PTCD2: variants seen among roughly 807,000 people sequenced by gnomAD.
The protein encoded by PTCD2 is pentatricopeptide repeat-containing protein 2, mitochondrial.
Under a neutral mutation model 42.6 loss-of-function variants are expected in PTCD2, and 31 were observed. The observed-to-expected ratio is 0.73, with a 90% CI of 0.55 to 0.98. PTCD2 has a LOEUF of 0.98. Among genes scored for constraint, PTCD2 ranks in the 50% least tolerant of loss-of-function variants. The pLI is 0.00. For missense variants in PTCD2, 476 were observed against 454.8 expected (o/e 1.05, Z -0.42); for synonymous variants, 183 against 170.9 (o/e 1.07, Z -0.55).
At position 72,361,755 on chromosome 5, in the gene PTCD2, A is replaced by G; in HGVS notation, c.*3328A>G. 6.6e-6 allele frequency: 1 copy of G among 152,206 alleles called. No homozygotes were observed. Among genetic ancestry groups the G allele is most frequent in the East Asian group, 1.9e-4 (1 of 5,184 alleles). The allele number at this position is 152,206 out of a possible 1,614,324, so 9.4% of individuals were successfully genotyped here. On this transcript the variant is annotated 3_prime_UTR_variant, in exon 10 of 10. Coordinates refer to ENST00000380639, the MANE Select transcript of PTCD2 (RefSeq NM_024754.5). The stretch of plus-strand genomic sequence containing the variant: ...GAAGGTCCTTCCTAATCTGGCCCAC[A>G]TTTGTCCATCCAGCTCCAACTCTTG...
intron 2 of PTCD2, 151 bp from the exon 3 acceptor site, chr5:72,326,461 A>T: frequency 6.8e-6 from 5 of 737,118 alleles, no homozygotes; most frequent in Non-Finnish European, 1.1e-5. Context: ...TCTAGAGGAG[A>T]TTGGCCAGTG....
At chr5:72,322,975 C>T (rs954431105) in intron 2 of PTCD2, among the ~76,000 whole-genome samples, 1 of 152,024 alleles carries the variant, frequency 6.6e-6, no homozygotes, top group Non-Finnish European at 1.5e-5. Flanking sequence ...GCAGCGTAGA[C>T]CTCATCTCTA....
chr5:72,350,780 A>C (rs1752584380), intron 8 of PTCD2, among the ~76,000 whole-genome samples: 2 of 152,250 alleles, frequency 1.3e-5, no homozygotes, highest in African/African-American at 4.8e-5. Flanking sequence ...GTAGACTGGT[A>C]AGAAAACATA....
intron 9 of PTCD2, among the ~76,000 whole-genome samples, chr5:72,357,333 T>C (rs1009549723): frequency 2.6e-5 from 4 of 152,170 alleles, no homozygotes; most frequent in Non-Finnish European, 4.4e-5. Flanking sequence ...CAAAAATAAG[T>C]CCTTTCAGTG....
rs1348854863 is a variant in PTCD2 at position 72,358,567 on chromosome 5, G to A, written c.*140G>A. 1.5e-5 allele frequency: 10 copies of A among 646,022 alleles called. No homozygotes were observed. The highest frequency in any genetic ancestry group is 2.2e-5 in the Non-Finnish European group (8 of 365,658). 40.0% of individuals were successfully genotyped at this position (646,022 alleles called of 1,614,324 possible). A position where few individuals can be genotyped will look rare whatever the true frequency, so the allele number is the denominator to read the frequency against. ...CCTGAAATTCCCAAATTCACTGAATGGTACCATGCCGATCTCTGAGAAGTT... is the reference window on the plus strand; with the variant it reads ...CCTGAAATTCCCAAATTCACTGAATAGTACCATGCCGATCTCTGAGAAGTT... On this transcript the variant is annotated 3_prime_UTR_variant, in exon 10 of 10. Coordinates refer to ENST00000380639, the MANE Select transcript of PTCD2 (RefSeq NM_024754.5).
chr5:72,335,771 G>A (rs1751705115), intron 5 of PTCD2, 23 bp from the exon 6 acceptor site: 6 of 1,533,686 alleles, frequency 3.9e-6, no homozygotes, highest in Admixed American at 1.7e-5. Flanking sequence ...CTAACACTGC[G>A]ATCCACTCTT....
chr5:72,327,320 T>C (rs1751197914), intron 3 of PTCD2, among the ~76,000 whole-genome samples: 1 of 152,188 alleles, frequency 6.6e-6, no homozygotes, highest in Admixed American at 6.5e-5. Flanking sequence ...GTTATTAAAG[T>C]TTCCCATGTC....
In PTCD2 at chr5:72,361,540, A is replaced by G. The variant is rs1478395502; in HGVS notation, c.*3113A>G. On this transcript the variant is annotated 3_prime_UTR_variant, in exon 10 of 10. Coordinates refer to ENST00000380639, the MANE Select transcript of PTCD2 (RefSeq NM_024754.5). ...GACCTAGTCTCAGAAGTCTCATAAC[A>G]TCACTTCCACTAAAGTCCCAAGCCC... 1 of 152,248 alleles carries G rather than the reference A, an allele frequency of 6.6e-6. No homozygotes were observed. The highest frequency in any genetic ancestry group is 2.4e-5 in the African/African-American group (1 of 41,456). The allele number at this position is 152,248 out of a possible 1,614,324, so 9.4% of individuals were successfully genotyped here.
chr5:72,353,832 A>G (rs1298710093), intron 9 of PTCD2, among the ~76,000 whole-genome samples: 4 of 152,220 alleles, frequency 2.6e-5, no homozygotes, highest in African/African-American at 9.6e-5. Context: ...TTCTTATACC[A>G]CAAACCAGGA....
chr5:72,351,776 C>T (rs1752633954), intron 8 of PTCD2, among the ~76,000 whole-genome samples: 1 of 152,106 alleles, frequency 6.6e-6, no homozygotes, highest in Non-Finnish European at 1.5e-5. Flanking sequence ...ATGTCCCTCC[C>T]CCGACACTGG....
chr5:72,358,655 T>C lies in PTCD2; in HGVS notation c.*228T>C. On this transcript the variant is annotated 3_prime_UTR_variant, in exon 10 of 10. Coordinates refer to ENST00000380639, the MANE Select transcript of PTCD2 (RefSeq NM_024754.5). ...CTCCCTCAGAAAGGCGCTTCCCTTT[T>C]GCATGGCTGAGGATCCTTGAAGGAA... 1.8e-6 allele frequency: 1 copy of C among 554,718 alleles called. No homozygotes were observed. The allele number at this position is 554,718 out of a possible 1,614,324, so 34.4% of individuals were successfully genotyped here.
At chr5:72,330,099 ATTT>A (rs767099502) in intron 3 of PTCD2, among the ~76,000 whole-genome samples, 1 of 141,850 alleles carries the variant, frequency 7.0e-6, no homozygotes. Flanking sequence ...CGCCCGGCTA[ATTT>A]TTTTTTTTTT....
intron 7 of PTCD2, among the ~76,000 whole-genome samples, chr5:72,339,072 T>C (rs775988539): frequency 6.6e-6 from 1 of 152,248 alleles, no homozygotes; most frequent in Non-Finnish European, 1.5e-5. Context: ...TAGCCTCAGA[T>C]GAATGAGGAC....
intron 9 of PTCD2, among the ~76,000 whole-genome samples, chr5:72,356,925 C>T (rs748016936): frequency 4.8e-4 from 73 of 152,228 alleles, no homozygotes; most frequent in Middle Eastern, 6.8e-3. Flanking sequence ...GAAGCTTGAT[C>T]CCAATTAAAT....
Position 72,326,628 on chromosome 5 carries a change from C to G in PTCD2, c.237C>G (p.Asn79Lys). The G allele has an allele frequency of 6.2e-7, 1 of 1,614,108 alleles. No individual in the cohort carries two copies. The highest frequency in any genetic ancestry group is 1.1e-5 in the South Asian group (1 of 91,074). Residue 79 changes from asparagine to lysine, a missense_variant, in exon 3 of 10, where the codon AAC becomes AAG. By Grantham distance (94) the Asn-to-Lys change is moderately conservative (BLOSUM62 0). Coordinates refer to ENST00000380639, the MANE Select transcript of PTCD2 (RefSeq NM_024754.5). ...LSGTKETYFRNLKKKLTQNKL... is the reference protein window; with the variant it reads ...LSGTKETYFRKLKKKLTQNKL... ...TTCTTCCAGAAACGTATTTTAGAAACTTGAAAAAGAAACTGACCCAGAACA... is the reference window on the plus strand; with the variant it reads ...TTCTTCCAGAAACGTATTTTAGAAAGTTGAAAAAGAAACTGACCCAGAACA...
At chr5:72,327,867 C>G (rs1017906828) in intron 3 of PTCD2, among the ~76,000 whole-genome samples, 4 of 152,146 alleles carry the variant, frequency 2.6e-5, no homozygotes, top group African/African-American at 9.7e-5. Context: ...ATAAAGAATA[C>G]TGGAAGATTC....
rs188189410 is a variant in PTCD2 at position 72,335,871 on chromosome 5, A to G, written c.625A>G (p.Ile209Val). 1.6e-5 allele frequency: 26 copies of G among 1,610,222 alleles called. No individual in the cohort carries two copies. In the Admixed American group the frequency reaches 3.8e-4, roughly 24 times the overall value. ...TKDTYVLAFA[I>V]CYKLNSPESF... is the part of the protein sequence containing the mutation. ...AGATACCTATGTTCTTGCTTTTGCA[A>G]TTTGCTACAAACTGGTAAGACTCTT... Residue 209 changes from isoleucine (I) to valine (V), a missense_variant, in exon 6 of 10, where the codon ATT becomes GTT. Transcript: ENST00000380639.
intron 9 of PTCD2, among the ~76,000 whole-genome samples, chr5:72,356,317 A>G (rs1039777141): frequency 2.6e-5 from 4 of 152,198 alleles, no homozygotes; most frequent in Admixed American, 2.6e-4. Flanking sequence ...AAAAATACTC[A>G]TATAAGACTC....
At chr5:72,339,574 A>G (rs1751945033) in intron 7 of PTCD2, among the ~76,000 whole-genome samples, 1 of 152,058 alleles carries the variant, frequency 6.6e-6, no homozygotes, top group African/African-American at 2.4e-5. Context: ...GGCCAAGATC[A>G]TTTCTTTAAC....
Sources: gnomAD v4.1 joint callset for allele counts (sites outside exome capture counted in the v4.1 genomes callset) on GRCh38, gnomAD v4.1.1 for gene constraint, MANE v1.5 for transcripts, NCBI Gene and HGNC (gene_info 2026-07-23, HGNC 2026-07-21) for gene names.